Variants in NSMCE2 observed in about 807,000 individuals in gnomAD.
NSMCE2 encodes the protein NSE2 SUMO ligase component of SMC5/6 complex, also known as E3 SUMO-protein ligase NSE2.
Under a neutral mutation model 23.8 loss-of-function variants are expected in NSMCE2, and 24 were observed. The ratio of observed to expected loss-of-function variants is 1.01; its 90% CI spans 0.73 to 1.42. The LOEUF (loss-of-function observed/expected upper bound fraction) is 1.42, where lower values mean the gene tolerates loss of function less well. Among genes scored for constraint, NSMCE2 ranks in the 40% most tolerant of loss-of-function variants. NSMCE2 has a pLI of 0.00. For missense variants in NSMCE2, 284 were observed against 296.5 expected (o/e 0.96, Z 0.31); for synonymous variants, 92 against 94.1 (o/e 0.98, Z 0.13).
At chr8:125,184,309 A>T (rs1822969591) in intron 5 of NSMCE2, among the ~76,000 whole-genome samples, 1 of 152,206 alleles carries the variant, frequency 6.6e-6, no homozygotes, top group Non-Finnish European at 1.5e-5. Flanking sequence ...AGAACATATA[A>T]TTCAAAAAAA....
At chr8:125,153,290 A>G (rs972454792) in intron 4 of NSMCE2, among the ~76,000 whole-genome samples, 1 of 152,172 alleles carries the variant, frequency 6.6e-6, no homozygotes, top group African/African-American at 2.4e-5. Context: ...GGATTTAGTG[A>G]TTCCGATGCT....
intron 5 of NSMCE2, among the ~76,000 whole-genome samples, chr8:125,208,139 T>A (rs1490962238): frequency 6.6e-6 from 1 of 152,232 alleles, no homozygotes; most frequent in African/African-American, 2.4e-5. Flanking sequence ...TATGTGTGTG[T>A]GTGTTTCATT....
chr8:125,208,325 A>T (rs1320875665), intron 5 of NSMCE2, among the ~76,000 whole-genome samples: 1 of 152,246 alleles, frequency 6.6e-6, no homozygotes. Context: ...CCTATACAGT[A>T]TTTGTTAAGT....
At position 125,366,925 on chromosome 8, in the gene NSMCE2, C is replaced by A; in HGVS notation, c.*40C>A. On this transcript the variant is annotated 3_prime_UTR_variant, in exon 8 of 8. Transcript: ENST00000287437. ...CTGCAGGGACACCAGCAGCCTACCT[C>A]CTACCCCAGCTGTCTGTTGAGAGCA... The A allele has an allele frequency of 8.9e-7, 1 of 1,129,078 alleles. No individual in the cohort carries two copies. Among genetic ancestry groups the A allele is most frequent in the Non-Finnish European group, 1.4e-6 (1 of 738,562 alleles). 69.9% of individuals were successfully genotyped at this position (1,129,078 alleles called of 1,614,324 possible).
chr8:125,193,758 G>T (rs950815108), intron 5 of NSMCE2, among the ~76,000 whole-genome samples: 2 of 152,208 alleles, frequency 1.3e-5, no homozygotes, highest in Non-Finnish European at 2.9e-5. Context: ...AAGAAGAAAG[G>T]TACATGGCTG....
intron 4 of NSMCE2, among the ~76,000 whole-genome samples, chr8:125,176,107 A>G (rs78718861): frequency 0.022 from 3,290 of 152,362 alleles, 129 homozygotes; most frequent in African/African-American, 0.076. Context: ...ATTTTGAGCT[A>G]AAATGAGCAA....
At chr8:125,140,528 T>C (rs1332190145) in intron 3 of NSMCE2, among the ~76,000 whole-genome samples, 1 of 152,000 alleles carries the variant, frequency 6.6e-6, no homozygotes, top group African/African-American at 2.4e-5. Context: ...CTGGGCGTGG[T>C]AGTGGGTGCC....
chr8:125,238,684 A>G (rs1825652708), intron 5 of NSMCE2, among the ~76,000 whole-genome samples: 1 of 152,144 alleles, frequency 6.6e-6, no homozygotes, highest in African/African-American at 2.4e-5. Context: ...ATAGTTCTCA[A>G]TTTATTTTAA....
chr8:125,320,218 A>AG lies in NSMCE2; in HGVS notation c.419-36999dup, dbSNP rs1829372630. Among the ~76,000 whole-genome samples, 5 of 40,388 alleles carry AG rather than the reference A, an allele frequency of 1.2e-4. 1 individual carries two copies. The highest frequency in any genetic ancestry group is 6.6e-4 in the Admixed American group (2 of 3,048). The allele number at this position is 40,388 out of a possible 152,430, so 26.5% of individuals were successfully genotyped here. A position where few individuals can be genotyped will look rare whatever the true frequency, so the allele number is the denominator to read the frequency against. ...AGAGAGAAAGAAAGAGAAGGAAGGA[A>AG]GGAGGGAGGGAGGGAAGGGAGGGAG... On this transcript the variant is annotated intron_variant, in intron 5 of 7. Coordinates refer to ENST00000287437, the MANE Select transcript of NSMCE2 (RefSeq NM_173685.4).
At chr8:125,274,736 C>T (rs1827372803) in intron 5 of NSMCE2, among the ~76,000 whole-genome samples, 1 of 151,994 alleles carries the variant, frequency 6.6e-6, no homozygotes, top group South Asian at 2.1e-4. Context: ...TCGAGACCAG[C>T]CTGGCCAACA....
At chr8:125,210,782 C>T (rs927845009) in intron 5 of NSMCE2, among the ~76,000 whole-genome samples, 2 of 152,064 alleles carry the variant, frequency 1.3e-5, no homozygotes, top group African/African-American at 2.4e-5. Context: ...GGCGTGATCT[C>T]GGCTCACTGC....
chr8:125,308,492 A>G (rs1281133684), intron 5 of NSMCE2, among the ~76,000 whole-genome samples: 1 of 152,056 alleles, frequency 6.6e-6, no homozygotes, highest in East Asian at 1.9e-4. Context: ...CTAAACAACA[A>G]CCCAAAGTTT....
chr8:125,357,031 C>T lies in NSMCE2; in HGVS notation c.419-188C>T, dbSNP rs567057847. ...CTGCTCTGAGCCTCAGTTTCCTTAT[C>T]AAAAATAGTCAGAATGAGGTACCCC... On this transcript the variant is annotated intron_variant, in intron 5 of 7. Coordinates refer to ENST00000287437, the MANE Select transcript of NSMCE2 (RefSeq NM_173685.4). Among the ~76,000 whole-genome samples, 145 of 152,228 alleles carry T rather than the reference C, an allele frequency of 9.5e-4. 1 individual carries two copies. Among genetic ancestry groups the T allele is most frequent in the Non-Finnish European group, 1.5e-3 (103 of 68,018 alleles).
At chr8:125,219,459 A>ACTG (rs756816675) in intron 5 of NSMCE2, among the ~76,000 whole-genome samples, 11 of 152,224 alleles carry the variant, frequency 7.2e-5, no homozygotes, top group East Asian at 1.9e-4. Flanking sequence ...TGAGTCATTT[A>ACTG]CTGCTGCTGC....
At chr8:125,119,634 A>C (rs117766003) in intron 3 of NSMCE2, among the ~76,000 whole-genome samples, 1,563 of 152,330 alleles carry the variant, frequency 0.01, 10 homozygotes, top group Non-Finnish European at 0.015. Context: ...AATGCTAAGC[A>C]AAGATGACAG....
At chr8:125,355,847 G>A (rs892363715) in intron 5 of NSMCE2, among the ~76,000 whole-genome samples, 1 of 151,896 alleles carries the variant, frequency 6.6e-6, no homozygotes, top group Non-Finnish European at 1.5e-5. Context: ...GGTTTGGTTT[G>A]GTTTTTCAGT....
intron 4 of NSMCE2, among the ~76,000 whole-genome samples, chr8:125,179,429 C>G (rs1315611417): frequency 6.6e-6 from 1 of 151,880 alleles, no homozygotes; most frequent in Admixed American, 6.6e-5. Context: ...AATTTTTTTT[C>G]CTTTCATTAA....
At chr8:125,280,204 A>G (rs1827636063) in intron 5 of NSMCE2, among the ~76,000 whole-genome samples, 1 of 152,252 alleles carries the variant, frequency 6.6e-6, no homozygotes, top group Non-Finnish European at 1.5e-5. Flanking sequence ...TGAGCTAGTT[A>G]GAAGAGTTAC....
intron 5 of NSMCE2, among the ~76,000 whole-genome samples, chr8:125,322,489 G>A (rs774331646): frequency 7.9e-5 from 12 of 152,198 alleles, no homozygotes; most frequent in Non-Finnish European, 1.3e-4. Context: ...CTACTAATGA[G>A]CATCTATGAA....
Sources: allele counts gnomAD v4.1 joint callset (sites outside exome capture counted in the v4.1 genomes callset), GRCh38; gene constraint gnomAD v4.1.1; transcripts MANE v1.5; gene names NCBI Gene and HGNC (gene_info 2026-07-23, HGNC 2026-07-21).